The following COL7A1 variants were observed in gnomAD, a reference collection of about 807,000 sequenced individuals.
The protein encoded by COL7A1 is collagen type VII alpha 1 chain, also known as collagen alpha-1(VII) chain.
Under a neutral mutation model 456.2 loss-of-function variants are expected in COL7A1, and 296 were observed. That is an observed-to-expected ratio of 0.65 (90% confidence interval 0.59 to 0.71). COL7A1 has a LOEUF of 0.71. Ranked by LOEUF, COL7A1 falls within the 30% of genes least tolerant of loss-of-function variation. COL7A1 has a pLI of 0.00. For missense variants in COL7A1, 3,441 were observed against 4,017.2 expected (o/e 0.86, Z 3.88); for synonymous variants, 1,464 against 1,525.9 (o/e 0.96, Z 0.95).
intron 44 of COL7A1, 138 bp downstream of exon 44, chr3:48,582,875 A>T: frequency 7.3e-7 from 1 of 1,362,224 alleles, no homozygotes; most frequent in Non-Finnish European, 1.0e-6. Context: ...GCTGAGGGTT[A>T]GAGCCTGTAT....
In COL7A1 at chr3:48,575,287, C is replaced by T; in HGVS notation, c.6181-45G>A. On this transcript the variant is annotated intron_variant, in intron 74 of 118. Coordinates refer to ENST00000681320, the MANE Select transcript of COL7A1 (RefSeq NM_000094.4). This position sits in a 1 kb window ranked among gnomAD's most constrained non-coding sequence, Gnocchi z 6.3. ...TGAGGGCCAAGCCCATGGGGGGTCC[C>T]ACCCCTCCCAACCCCTCTTCCCTCA... is the stretch of plus-strand genomic sequence containing the variant. 1 of 1,603,620 alleles carries T rather than the reference C, an allele frequency of 6.2e-7. No homozygotes were observed. The highest frequency in any genetic ancestry group is 8.5e-7 in the Non-Finnish European group (1 of 1,170,884).
Position 48,590,385 on chromosome 3 carries a change from C to T in COL7A1, c.1907-29G>A. 6.2e-7 allele frequency: 1 copy of T among 1,614,050 alleles called. No individual in the cohort carries two copies. The highest frequency in any genetic ancestry group is 2.2e-5 in the East Asian group (1 of 44,878). ...AGGTCAGAGGGAAATGCTGGCATGGCTCCTGCCTGTCCCCTCTGGCACCCA... is the reference window on the plus strand; with the variant it reads ...AGGTCAGAGGGAAATGCTGGCATGGTTCCTGCCTGTCCCCTCTGGCACCCA... On this transcript the variant is annotated intron_variant, in intron 15 of 118. Coordinates refer to ENST00000681320, the MANE Select transcript of COL7A1 (RefSeq NM_000094.4). The surrounding 1 kb of genome is among the most constrained non-coding windows in gnomAD (Gnocchi z 4.6).
In COL7A1 at chr3:48,588,369, C is replaced by A. The variant is rs200864582; in HGVS notation, c.2623G>T (p.Val875Leu). 6.2e-7 allele frequency: 1 copy of A among 1,612,158 alleles called. No homozygotes were observed. Among genetic ancestry groups the A allele is most frequent in the Admixed American group, 1.7e-5 (1 of 59,980 alleles). The stretch of plus-strand genomic sequence containing the variant: ...AGCGAGTGCTCCCCGCGCTGCACCA[C>A]GTGAAGCGTCCCCAGGGCTGGCGGA... ...EAPPALGTLH[V>L]VQRGEHSLRL... Residue 875 changes from valine to leucine, a missense_variant, in exon 21 of 119, where the codon GTG becomes TTG. This residue lies in a region of COL7A1 where 444 missense variants were observed against 427.6 expected (regional missense o/e 1.04). Coordinates refer to ENST00000681320, the MANE Select transcript of COL7A1 (RefSeq NM_000094.4). The surrounding 1 kb of genome is among the most constrained non-coding windows in gnomAD (Gnocchi z 4.6).
Position 48,595,080 on chromosome 3 carries a change from T to C in COL7A1, c.80A>G (p.Glu27Gly), listed in dbSNP as rs2107811799. Residue 27 changes from glutamate to glycine, a missense_variant, in exon 2 of 119, where the codon GAG becomes GGG. By Grantham distance (98) the Glu-to-Gly change is moderately conservative. Around this residue, in one of 3 missense-constraint regions of COL7A1, gnomAD observed 913 missense variants for 1,088.2 expected, o/e 0.84. Coordinates refer to ENST00000681320, the MANE Select transcript of COL7A1 (RefSeq NM_000094.4). ...TCCTCCCTTGCGGTGCCCACCTCTC[T>C]CCCTGTGCTGGGCTCGCACTCGGGG... is the stretch of plus-strand genomic sequence containing the variant. ...EAPRVRAQHR[E>G]RVTCTRLYAA... 2 of 1,550,632 alleles carry C rather than the reference T, an allele frequency of 1.3e-6. No individual in the cohort carries two copies. The highest frequency in any genetic ancestry group is 1.2e-5 in the South Asian group (1 of 84,078).
In COL7A1 at chr3:48,588,340, C is replaced by T; in HGVS notation, c.2652G>A (p.Arg884=). Residue 884 remains arginine, a synonymous_variant, in exon 21 of 119, where the codon AGG becomes AGA. Transcript: ENST00000681320. The surrounding 1 kb of genome is among the most constrained non-coding windows in gnomAD (Gnocchi z 4.6). ...HVVQRGEHSL[R]LRWEPVPRAQ... is the part of the protein sequence containing the mutation. ...CTCTGGGCACCGGCTCCCAGCGCAG[C>T]CTCAGCGAGTGCTCCCCGCGCTGCA... 6.2e-7 allele frequency: 1 copy of T among 1,612,828 alleles called. No individual in the cohort carries two copies. Among genetic ancestry groups the T allele is most frequent in the Non-Finnish European group, 8.5e-7 (1 of 1,179,992 alleles).
Position 48,590,918 on chromosome 3 carries a change from G to T in COL7A1, c.1637-102C>A. 7.7e-7 allele frequency: 1 copy of T among 1,298,634 alleles called. No individual in the cohort carries two copies. 80.4% of individuals were successfully genotyped at this position (1,298,634 alleles called of 1,614,324 possible). On this transcript the variant is annotated intron_variant, in intron 13 of 118. Transcript: ENST00000681320. This position sits in a 1 kb window ranked among gnomAD's most constrained non-coding sequence, Gnocchi z 4.6. Reference sequence around the variant, plus strand: ...GACGCAGAGTGAGAAGGGCCATGGGGGTGGGGATGTGGGGTGGTGGGGACC... The same window carrying T: ...GACGCAGAGTGAGAAGGGCCATGGGTGTGGGGATGTGGGGTGGTGGGGACC...
chr3:48,584,661 C>A (rs1265887037), intron 35 of COL7A1, 73 bp downstream of exon 35: 10 of 1,612,668 alleles, frequency 6.2e-6, no homozygotes, highest in Non-Finnish European at 8.5e-6. Context: ...TTAGGCCCTG[C>A]ACAGGGTCTG....
chr3:48,565,022 G>A lies in COL7A1; in HGVS notation c.8621-42C>T. On this transcript the variant is annotated intron_variant, in intron 117 of 118. Coordinates refer to ENST00000681320, the MANE Select transcript of COL7A1 (RefSeq NM_000094.4). The surrounding 1 kb of genome is among the most constrained non-coding windows in gnomAD (Gnocchi z 4.5). ...AAGTCAGCAGGGTTTGTGGGAATCA[G>A]AGAGGGTTGAAAGGTCAGGGGGAGG... 6.2e-7 allele frequency: 1 copy of A among 1,613,678 alleles called. No homozygotes were observed. The highest frequency in any genetic ancestry group is 2.2e-5 in the East Asian group (1 of 44,874).
rs762303200 is a variant in COL7A1, at chr3:48,581,706, C to G, written c.4722G>C (p.Arg1574=). The G allele has an allele frequency of 2.3e-5, 37 of 1,614,096 alleles. No individual in the cohort carries two copies. Among genetic ancestry groups the G allele is most frequent in the Non-Finnish European group, 3.0e-5 (35 of 1,180,026 alleles). ...PRGATGVQGE[R]GPPGLVLPGD... Reference sequence around the variant, plus strand: ...CCCCTAAACACTTCGCTTCACTTACCCGTTCCCCTTGGACTCCGGTAGCTC... The same window carrying G: ...CCCCTAAACACTTCGCTTCACTTACGCGTTCCCCTTGGACTCCGGTAGCTC... Residue 1574 remains arginine (R), a splice_region_variant and synonymous_variant, in exon 49 of 119, where the codon CGG becomes CGC. Coordinates refer to ENST00000681320, the MANE Select transcript of COL7A1 (RefSeq NM_000094.4). The surrounding 1 kb of genome is among the most constrained non-coding windows in gnomAD (Gnocchi z 5.8).
rs1264856836 is a variant in COL7A1, at chr3:48,572,104, G to T, written c.7023+23C>A. 1.2e-6 allele frequency: 2 copies of T among 1,613,894 alleles called. No individual in the cohort carries two copies. Among genetic ancestry groups the T allele is most frequent in the Non-Finnish European group, 1.7e-6 (2 of 1,179,898 alleles). On this transcript the variant is annotated intron_variant, in intron 91 of 118. Coordinates refer to ENST00000681320, the MANE Select transcript of COL7A1 (RefSeq NM_000094.4). The surrounding 1 kb of genome is among the most constrained non-coding windows in gnomAD (Gnocchi z 4.6). ...TGAGCCTTCTCTGCTCAGTAGTCAG[G>T]CCCCAGGGCCAACCCACCTCACCTT...
At position 48,592,973 on chromosome 3, in the gene COL7A1, A is replaced by G; in HGVS notation, c.683-35T>C. On this transcript the variant is annotated intron_variant, in intron 6 of 118. Transcript: ENST00000681320. The surrounding 1 kb of genome is among the most constrained non-coding windows in gnomAD (Gnocchi z 7.6). ...CGGGATCAGGGGATCAGGCAGGAGG[A>G]TTGGGGTGGGCATGTATGATGCAGA... 1 of 1,612,722 alleles carries G rather than the reference A, an allele frequency of 6.2e-7. No homozygotes were observed. Among genetic ancestry groups the G allele is most frequent in the Non-Finnish European group, 8.5e-7 (1 of 1,179,728 alleles).
rs577463668 is a variant in COL7A1 at position 48,568,653 on chromosome 3, C to T, written c.7759-119G>A. 5 of 1,479,430 alleles carry T rather than the reference C, an allele frequency of 3.4e-6. No homozygotes were observed. Among genetic ancestry groups the T allele is most frequent in the South Asian group, 2.4e-5 (2 of 81,818 alleles). The allele number at this position is 1,479,430 out of a possible 1,614,324, so 91.6% of individuals were successfully genotyped here. A position where few individuals can be genotyped will look rare whatever the true frequency, so the allele number is the denominator to read the frequency against. ...CAGGGCCCAGGCCACACACAGATCC[C>T]GGGTGAACACACATGGGGCCGGCAG... is the stretch of plus-strand genomic sequence containing the variant. On this transcript the variant is annotated intron_variant, in intron 104 of 118. Transcript: ENST00000681320. This position sits in a 1 kb window ranked among gnomAD's most constrained non-coding sequence, Gnocchi z 5.2.
At position 48,566,960 on chromosome 3, in the gene COL7A1, C is replaced by G; in HGVS notation, c.8173G>C (p.Gly2725Arg). The change falls in exon 111 of 119, where the codon GGG becomes CGG. Residue 2725 changes from glycine to arginine, a missense_variant. Coordinates refer to ENST00000681320, the MANE Select transcript of COL7A1 (RefSeq NM_000094.4). This position sits in a 1 kb window ranked among gnomAD's most constrained non-coding sequence, Gnocchi z 5.9. The stretch of plus-strand genomic sequence containing the variant: ...CTGGGACCAACACTGCCAGGTGGCC[C>G]TGGGGGACCAGCAGAGCCATCATTT... ...SGNDGSAGPP[G>R]PPGSVGPRGP... is the part of the protein sequence containing the mutation. 6.2e-7 allele frequency: 1 copy of G among 1,611,784 alleles called. No individual in the cohort carries two copies. The highest frequency in any genetic ancestry group is 8.5e-7 in the Non-Finnish European group (1 of 1,178,388).
rs1242839120 is a variant in COL7A1 at position 48,587,502 on chromosome 3, G to A, written c.2910C>T (p.Asp970=). The A allele has an allele frequency of 5.6e-6, 9 of 1,613,348 alleles. No individual in the cohort carries two copies. The highest frequency in any genetic ancestry group is 7.6e-6 in the Non-Finnish European group (9 of 1,180,050). ...CTGGAGTCCAGGCCAAAGTCACCGA[G>A]TCGATCGAGGTGTCCACCACACGTA... ...IELRVVDTSI[D]SVTLAWTPVS... Residue 970 remains aspartate, a synonymous_variant, in exon 23 of 119, where the codon GAC becomes GAT. Coordinates refer to ENST00000681320, the MANE Select transcript of COL7A1 (RefSeq NM_000094.4). The surrounding 1 kb of genome is among the most constrained non-coding windows in gnomAD (Gnocchi z 6.1).
chr3:48,589,103 G>A, intron 18 of COL7A1, 108 bp from the exon 19 acceptor site: 1 of 1,581,308 alleles, frequency 6.3e-7, no homozygotes, highest in South Asian at 1.1e-5. Context: ...GTGTGGACAG[G>A]TCACTTTAGG....
At position 48,581,386 on chromosome 3, in the gene COL7A1, G is replaced by A. The variant is rs764909279; in HGVS notation, c.4819-46C>T. ...AGGTGATGCAGGACGCTCGAAGCAAGCAGTTCTCAAGGGGAGGGGACCCCA... is the reference window on the plus strand; with the variant it reads ...AGGTGATGCAGGACGCTCGAAGCAAACAGTTCTCAAGGGGAGGGGACCCCA... On this transcript the variant is annotated intron_variant, in intron 51 of 118. Transcript: ENST00000681320. This position sits in a 1 kb window ranked among gnomAD's most constrained non-coding sequence, Gnocchi z 5.8. 2.5e-6 allele frequency: 4 copies of A among 1,613,784 alleles called. No individual in the cohort carries two copies. The South Asian group carries it at 4.4e-5, about 18-fold the overall frequency.
chr3:48,580,199 C>T lies in COL7A1; in HGVS notation c.5097+101G>A. ...CAGCAGGCATGGGTGGCCATCCATG[C>T]TTCCCACCTGGACCTCCAGACCCCT... On this transcript the variant is annotated intron_variant, in intron 56 of 118. Transcript: ENST00000681320. The surrounding 1 kb of genome is among the most constrained non-coding windows in gnomAD (Gnocchi z 4.5). 1 of 1,545,204 alleles carries T rather than the reference C, an allele frequency of 6.5e-7. No individual in the cohort carries two copies. Among genetic ancestry groups the T allele is most frequent in the Non-Finnish European group, 8.8e-7 (1 of 1,130,646 alleles).
At position 48,579,694 on chromosome 3, in the gene COL7A1, G is replaced by T; in HGVS notation, c.5155-26C>A. 6.2e-7 allele frequency: 1 copy of T among 1,613,738 alleles called. No individual in the cohort carries two copies. The highest frequency in any genetic ancestry group is 8.5e-7 in the Non-Finnish European group (1 of 1,179,972). The stretch of plus-strand genomic sequence containing the variant: ...CTGTGGCAGAGATAAGCTTGCTGAG[G>T]AACAGCCTTGAAGCCAAGCCATGCC... On this transcript the variant is annotated intron_variant, in intron 58 of 118. Coordinates refer to ENST00000681320, the MANE Select transcript of COL7A1 (RefSeq NM_000094.4). The surrounding 1 kb of genome is among the most constrained non-coding windows in gnomAD (Gnocchi z 4.4).
rs764408920 is a variant in COL7A1 at position 48,583,891 on chromosome 3, GC to G, written c.4278+8del. 2.9e-5 allele frequency: 47 copies of G among 1,613,708 alleles called. No individual in the cohort carries two copies. The highest frequency in any genetic ancestry group is 3.9e-5 in the Non-Finnish European group (46 of 1,179,932). The stretch of plus-strand genomic sequence containing the variant: ...GCAGGGCCCCCAGCAGAGCCTCAAG[GC>G]CCCTCACCGGCAGCCCAGGCTCCCC... On this transcript the variant is annotated splice_region_variant and intron_variant, in intron 39 of 118. Coordinates refer to ENST00000681320, the MANE Select transcript of COL7A1 (RefSeq NM_000094.4). The surrounding 1 kb of genome is among the most constrained non-coding windows in gnomAD (Gnocchi z 5.1).
Sources: gnomAD v4.1 joint callset for allele counts on GRCh38, gnomAD v4.1.1 for gene constraint, gnomAD v4.1.1 regional missense constraint, Gnocchi (gnomAD v3.1) non-coding constraint, MANE v1.5 for transcripts, NCBI Gene and HGNC (gene_info 2026-07-23, HGNC 2026-07-21) for gene names.